RGL1: variants seen among roughly 807,000 people sequenced by gnomAD.
RGL1 encodes ral guanine nucleotide dissociation stimulator like 1, also known as ral guanine nucleotide dissociation stimulator-like 1.
In RGL1, 24 loss-of-function variants were observed where a neutral mutation model predicts 95.2. That is an observed-to-expected ratio of 0.25 (90% confidence interval 0.18 to 0.35). RGL1 has a LOEUF of 0.35. Among genes scored for constraint, RGL1 ranks in the 10% least tolerant of loss-of-function variants. RGL1 has a pLI of 1.00. For synonymous variants in RGL1, 329 were observed against 344.9 expected (o/e 0.95, Z 0.51); for missense variants, 715 against 936.3 (o/e 0.76, Z 3.08).
intron 1 of RGL1, among the ~76,000 whole-genome samples, chr1:183,666,040 T>C (rs1482378111): frequency 6.7e-6 from 1 of 150,072 alleles, no homozygotes; most frequent in Admixed American, 6.6e-5. Context: ...AGTTTCGCTC[T>C]TTTTGCCCAG....
intron 2 of RGL1, among the ~76,000 whole-genome samples, chr1:183,746,622 A>AT (rs71130633): frequency 5.4e-4 from 78 of 144,162 alleles, no homozygotes; most frequent in East Asian, 5.2e-3. Flanking sequence ...GTATACATGT[A>AT]TTTTTTTTTT....
intron 7 of RGL1, among the ~76,000 whole-genome samples, 164 bp downstream of exon 7, chr1:183,885,102 C>T (rs539370627): frequency 2.0e-5 from 3 of 152,132 alleles, no homozygotes; most frequent in Non-Finnish European, 2.9e-5. Flanking sequence ...AAAAAGTTGC[C>T]TTTCTAAACT....
At chr1:183,781,842 T>G (rs907554322) in intron 2 of RGL1, among the ~76,000 whole-genome samples, 4 of 152,204 alleles carry the variant, frequency 2.6e-5, no homozygotes, top group African/African-American at 9.7e-5. Flanking sequence ...GATGGACATA[T>G]TGATGTATTT....
intron 2 of RGL1, among the ~76,000 whole-genome samples, chr1:183,816,109 CT>C (rs1662069875): frequency 2.0e-5 from 3 of 152,188 alleles, no homozygotes; most frequent in Admixed American, 1.3e-4. Flanking sequence ...TCTCTGGCTC[CT>C]TGCATAATGA....
intron 10 of RGL1, among the ~76,000 whole-genome samples, chr1:183,898,358 C>T (rs1029929707): frequency 4.6e-5 from 7 of 152,232 alleles, no homozygotes; most frequent in Admixed American, 3.3e-4. Flanking sequence ...TTGTTCTAAT[C>T]TAGCCATTGC....
intron 2 of RGL1, among the ~76,000 whole-genome samples, chr1:183,821,275 A>G (rs1294899150): frequency 6.6e-6 from 1 of 152,210 alleles, no homozygotes; most frequent in Non-Finnish European, 1.5e-5. Flanking sequence ...ACTTTTCAAA[A>G]TGCAGCTTGT....
chr1:183,899,437 T>C (rs1486902713), intron 10 of RGL1, among the ~76,000 whole-genome samples: 1 of 152,252 alleles, frequency 6.6e-6, no homozygotes, highest in African/African-American at 2.4e-5. Context: ...TTCTGTAGAA[T>C]GTTCCACAGT....
At chr1:183,910,086 T>TTTCCTTCC (rs945304236) in intron 14 of RGL1, among the ~76,000 whole-genome samples, 2 of 152,102 alleles carry the variant, frequency 1.3e-5, no homozygotes, top group African/African-American at 4.8e-5. Context: ...TTCTTTCTTC[T>TTTCCTTCC]TTCCTTCCTT....
intron 1 of RGL1, among the ~76,000 whole-genome samples, chr1:183,640,294 T>G (rs1329774439): frequency 6.6e-6 from 1 of 152,200 alleles, no homozygotes; most frequent in East Asian, 1.9e-4. Context: ...TCTGAATTGC[T>G]GCAGTCCTAC....
At chr1:183,661,795 G>A (rs1261546837) in intron 1 of RGL1, among the ~76,000 whole-genome samples, 9 of 150,996 alleles carry the variant, frequency 6.0e-5, no homozygotes, top group Middle Eastern at 3.4e-3. Flanking sequence ...GATGAACATT[G>A]ATGCAAAAAT....
chr1:183,873,890 G>C (rs1204365202), intron 4 of RGL1, among the ~76,000 whole-genome samples: 2 of 152,182 alleles, frequency 1.3e-5, no homozygotes, highest in Admixed American at 6.5e-5. Flanking sequence ...AGGAGAACCT[G>C]CTTCCTGTTC....
chr1:183,883,749 T>G, intron 5 of RGL1, 37 bp from the exon 6 acceptor site: 3 of 1,611,690 alleles, frequency 1.9e-6, no homozygotes, highest in Non-Finnish European at 2.5e-6. Flanking sequence ...TTATATACAC[T>G]GGCGCCAAAT....
chr1:183,817,508 G>C (rs1405421371), intron 2 of RGL1, among the ~76,000 whole-genome samples: 1 of 151,894 alleles, frequency 6.6e-6, no homozygotes, highest in African/African-American at 2.4e-5. Context: ...TTGGCTGCTC[G>C]GCCACAAATC....
At chr1:183,865,851 A>G in intron 3 of RGL1, 145 bp from the exon 4 acceptor site, 1 of 623,860 alleles carries the variant, frequency 1.6e-6, no homozygotes, top group Non-Finnish European at 2.9e-6. Context: ...ATAATACTGC[A>G]TCATTTTCAA....
chr1:183,666,757 A>T (rs1053681106), intron 1 of RGL1, among the ~76,000 whole-genome samples: 1 of 152,214 alleles, frequency 6.6e-6, no homozygotes, highest in African/African-American at 2.4e-5. Context: ...CTGTGAAGGT[A>T]TGTTTTAGGG....
At chr1:183,701,375 A>C (rs907892018) in intron 1 of RGL1, among the ~76,000 whole-genome samples, 3 of 152,230 alleles carry the variant, frequency 2.0e-5, no homozygotes, top group Admixed American at 6.5e-5. Context: ...TTTTCAAGGT[A>C]CTGATGACAG....
intron 2 of RGL1, among the ~76,000 whole-genome samples, chr1:183,783,326 A>G (rs1034110533): frequency 2.6e-5 from 4 of 152,194 alleles, no homozygotes; most frequent in African/African-American, 7.2e-5. Flanking sequence ...ATACATATAT[A>G]TAATGATACT....
chr1:183,866,795 C>A (rs1665866611), intron 4 of RGL1, among the ~76,000 whole-genome samples: 1 of 152,196 alleles, frequency 6.6e-6, no homozygotes. Flanking sequence ...TAGCCTGTGG[C>A]AGTGTGGCTG....
chr1:183,754,279 A>C (rs894775314), intron 2 of RGL1: 1 of 152,160 alleles, frequency 6.6e-6, no homozygotes, highest in Non-Finnish European at 1.5e-5. Context: ...AGTTTTATGC[A>C]GTGGGGATTT....
Sources: gnomAD v4.1 joint callset for allele counts (sites outside exome capture counted in the v4.1 genomes callset) on GRCh38, gnomAD v4.1.1 for gene constraint, MANE v1.5 for transcripts, NCBI Gene and HGNC (gene_info 2026-07-23, HGNC 2026-07-21) for gene names.